The following TAFA4 variants were observed in gnomAD, a reference collection of about 807,000 sequenced individuals.
TAFA4 encodes chemokine-like protein TAFA-4.
A neutral mutation model predicts 21.1 loss-of-function variants in TAFA4; 20 were observed. That is an observed-to-expected ratio of 0.95 (90% CI 0.67 to 1.38). The LOEUF (loss-of-function observed/expected upper bound fraction) is 1.38. Ranked by LOEUF, TAFA4 falls within the 40% of genes most tolerant of loss-of-function variation. The pLI is 0.00. For synonymous variants in TAFA4, 71 were observed against 67.4 expected, an observed-to-expected ratio of 1.05 and a Z score of -0.26; for missense variants, 211 against 180.9, an observed-to-expected ratio of 1.17 and a Z score of -0.95.
At chr3:68,871,833 A>G (rs1453912007) in intron 3 of TAFA4, among the ~76,000 whole-genome samples, 2 of 152,158 alleles carry the variant, frequency 1.3e-5, no homozygotes, top group Admixed American at 6.6e-5. Flanking sequence ...GGGAAATGCA[A>G]GTCAAAACCA....
intron 3 of TAFA4, among the ~76,000 whole-genome samples, chr3:68,806,375 A>T (rs1703698409): frequency 6.6e-6 from 1 of 152,228 alleles, no homozygotes; most frequent in Admixed American, 6.5e-5. Context: ...TTTAATTCAA[A>T]TGACATTTCT....
chr3:68,854,832 G>A (rs928508599), intron 3 of TAFA4, among the ~76,000 whole-genome samples: 3 of 151,872 alleles, frequency 2.0e-5, no homozygotes, highest in African/African-American at 7.3e-5. Flanking sequence ...TTACGCTTCT[G>A]GAAAACAGAC....
intron 3 of TAFA4, among the ~76,000 whole-genome samples, chr3:68,860,673 A>G (rs976596056): frequency 1.3e-5 from 2 of 152,162 alleles, no homozygotes; most frequent in East Asian, 3.9e-4. Flanking sequence ...TATGTTTTTG[A>G]GCTTAATTTA....
Position 68,732,150 on chromosome 3 carries a change from G to T in TAFA4, c.*992C>A, listed in dbSNP as rs2106714579. 6.6e-6 allele frequency: 1 copy of T among 152,546 alleles called. No individual in the cohort carries two copies. Among genetic ancestry groups the T allele is most frequent in the Middle Eastern group, 3.4e-3 (1 of 294 alleles). 9.4% of individuals were successfully genotyped at this position (152,546 alleles called of 1,614,324 possible). A position where few individuals can be genotyped will look rare whatever the true frequency, so the allele number is the denominator to read the frequency against. On this transcript the variant is annotated 3_prime_UTR_variant, in exon 6 of 6. Transcript: ENST00000295569. ...TGCTGCAAAATCATTAAGCCAATCA[G>T]GACTCAGATTTTAAAGAAATAAGAT...
chr3:68,873,157 C>G (rs1295246214), intron 3 of TAFA4, among the ~76,000 whole-genome samples: 1 of 151,976 alleles, frequency 6.6e-6, no homozygotes, highest in African/African-American at 2.4e-5. Flanking sequence ...TGTCACACAC[C>G]TATGAGGCAT....
chr3:68,805,706 C>CA (rs1403768998), intron 3 of TAFA4, among the ~76,000 whole-genome samples: 2 of 148,310 alleles, frequency 1.3e-5, no homozygotes, highest in Middle Eastern at 3.2e-3. Flanking sequence ...ATCACAAGGA[C>CA]AAAAAACCAA....
chr3:68,881,202 A>G (rs1446723598), intron 2 of TAFA4, among the ~76,000 whole-genome samples: 2 of 152,198 alleles, frequency 1.3e-5, no homozygotes, highest in African/African-American at 4.8e-5. Flanking sequence ...AATAAAATAT[A>G]TATGTTTTCT....
intron 3 of TAFA4, among the ~76,000 whole-genome samples, chr3:68,823,037 A>T (rs1704146526): frequency 6.6e-6 from 1 of 152,110 alleles, no homozygotes; most frequent in South Asian, 2.1e-4. Context: ...TTCAACCCCT[A>T]ATGATTTATA....
chr3:68,908,770 C>T (rs539064443), intron 1 of TAFA4, among the ~76,000 whole-genome samples: 6 of 152,290 alleles, frequency 3.9e-5, no homozygotes, highest in Non-Finnish European at 5.9e-5. Flanking sequence ...CAAAAGTATA[C>T]TACTCAAAAG....
rs569171616 is a variant in TAFA4 at position 68,830,961 on chromosome 3, C to A, written c.130+49769G>T. Among the ~76,000 whole-genome samples the A allele has an allele frequency of 3.1e-3, 475 of 152,140 alleles. 2 individuals are homozygous for A. Among genetic ancestry groups the A allele is most frequent in the African/African-American group, 0.011 (464 of 41,500 alleles). Reference sequence around the variant, plus strand: ...CATGTAATGGCCTTCTTTGTCTCTTCTTATCTTTGTTGGTTTATAGTCTGT... The same window carrying A: ...CATGTAATGGCCTTCTTTGTCTCTTATTATCTTTGTTGGTTTATAGTCTGT... On this transcript the variant is annotated intron_variant, in intron 3 of 5. Transcript: ENST00000295569.
intron 1 of TAFA4, among the ~76,000 whole-genome samples, chr3:68,901,376 T>A (rs2089842637): frequency 6.6e-6 from 1 of 151,980 alleles, no homozygotes; most frequent in South Asian, 2.1e-4. Flanking sequence ...TTGATCTAAA[T>A]AGAATTAGCC....
intron 1 of TAFA4, among the ~76,000 whole-genome samples, chr3:68,891,217 T>G (rs1315898398): frequency 6.6e-6 from 1 of 152,210 alleles, no homozygotes; most frequent in African/African-American, 2.4e-5. Flanking sequence ...ACCAAAACAT[T>G]AAAAATGGAT....
intron 3 of TAFA4, among the ~76,000 whole-genome samples, chr3:68,804,463 T>C (rs983080659): frequency 7.2e-5 from 11 of 152,086 alleles, no homozygotes; most frequent in Non-Finnish European, 1.6e-4. Context: ...AAAGTTCATA[T>C]AGAACCAAAA....
chr3:68,885,317 T>A lies in TAFA4; in HGVS notation c.-122-7A>T. 4 of 686,300 alleles carry A rather than the reference T, an allele frequency of 5.8e-6. No homozygotes were observed. The highest frequency in any genetic ancestry group is 9.4e-6 in the Non-Finnish European group (4 of 423,906). 42.5% of individuals were successfully genotyped at this position (686,300 alleles called of 1,614,324 possible). A position where few individuals can be genotyped will look rare whatever the true frequency, so the allele number is the denominator to read the frequency against. On this transcript the variant is annotated splice_polypyrimidine_tract_variant and splice_region_variant and intron_variant, in intron 1 of 5. Coordinates refer to ENST00000295569, the MANE Select transcript of TAFA4 (RefSeq NM_182522.5). The stretch of plus-strand genomic sequence containing the variant: ...TTATCGTAGCTCAGAAGACCTATGT[T>A]AAAAAGGCCAAAAAAAAAAAAGGAA...
chr3:68,789,584 C>G (rs1020586585), intron 3 of TAFA4, among the ~76,000 whole-genome samples: 1 of 152,058 alleles, frequency 6.6e-6, no homozygotes, highest in South Asian at 2.1e-4. Flanking sequence ...GCTGGGGGAG[C>G]ACATCTCTGA....
At chr3:68,825,140 C>G (rs2029472) in intron 3 of TAFA4, among the ~76,000 whole-genome samples, 69,089 of 151,928 alleles carry the variant, frequency 0.45, 16,049 homozygotes, top group African/African-American at 0.5. Flanking sequence ...CGTGCTGCCT[C>G]ACAGGCCCCA....
chr3:68,758,964 C>T (rs1215817632), intron 3 of TAFA4, among the ~76,000 whole-genome samples: 1 of 152,216 alleles, frequency 6.6e-6, no homozygotes, highest in Non-Finnish European at 1.5e-5. Flanking sequence ...CTGCAGTCTG[C>T]AAGATGGGGA....
At chr3:68,828,352 C>T (rs527710306) in intron 3 of TAFA4, among the ~76,000 whole-genome samples, 1 of 152,122 alleles carries the variant, frequency 6.6e-6, no homozygotes, top group Non-Finnish European at 1.5e-5. Context: ...ATTGTCTTGC[C>T]TATACAGGGT....
At chr3:68,830,992 C>T (rs533927448) in intron 3 of TAFA4, among the ~76,000 whole-genome samples, 3 of 152,250 alleles carry the variant, frequency 2.0e-5, no homozygotes, top group Admixed American at 1.3e-4. Flanking sequence ...TCTGTTTTAT[C>T]AGAGACCAGG....
Sources: allele counts gnomAD v4.1 joint callset (sites outside exome capture counted in the v4.1 genomes callset), GRCh38; gene constraint gnomAD v4.1.1; transcripts MANE v1.5; gene names NCBI Gene and HGNC (gene_info 2026-07-23, HGNC 2026-07-21).